Variants in TNKS observed in about 807,000 individuals in gnomAD.
TNKS encodes tankyrase, also known as poly [ADP-ribose] polymerase tankyrase-1.
TNKS carries 72 observed loss-of-function variants against 135.8 expected under a neutral mutation model. That is an observed-to-expected ratio of 0.53 (90% CI 0.44 to 0.64). The LOEUF is 0.64. TNKS is among the 30% of genes least tolerant of loss of function. The pLI, the probability that TNKS is intolerant of heterozygous loss-of-function variation, is 0.00. For missense variants in TNKS, 1,769 were observed against 1,674.0 expected, an observed-to-expected ratio of 1.06 and a Z score of -0.99; for synonymous variants, 849 against 649.3, an observed-to-expected ratio of 1.31 and a Z score of -4.68.
At chr8:9,627,736 G>A (rs1800119059) in intron 3 of TNKS, among the ~76,000 whole-genome samples, 1 of 152,064 alleles carries the variant, frequency 6.6e-6, no homozygotes, top group African/African-American at 2.4e-5. Flanking sequence ...AGAAATGAAT[G>A]TAGCCGGAAA....
intron 2 of TNKS, among the ~76,000 whole-genome samples, chr8:9,605,640 C>G (rs1044982047): frequency 2.6e-5 from 4 of 152,056 alleles, no homozygotes; most frequent in African/African-American, 7.2e-5. Flanking sequence ...AGTTTAGAAT[C>G]TCCTCATTAA....
At chr8:9,732,624 G>C (rs909185037) in intron 14 of TNKS, among the ~76,000 whole-genome samples, 52 of 148,568 alleles carry the variant, frequency 3.5e-4, no homozygotes, top group African/African-American at 1.3e-3. Context: ...CTTCTGCCAT[G>C]TGTTAACTTC....
chr8:9,709,180 G>A (rs4841200), intron 9 of TNKS, among the ~76,000 whole-genome samples: 1 of 151,976 alleles, frequency 6.6e-6, no homozygotes, highest in Non-Finnish European at 1.5e-5. Context: ...AAGATCAAAC[G>A]TTTGTCAGTA....
At chr8:9,709,919 G>T (rs1352172729) in intron 9 of TNKS, 36 bp from the exon 10 acceptor site, 1 of 1,512,010 alleles carries the variant, frequency 6.6e-7, no homozygotes, top group Non-Finnish European at 9.2e-7. Context: ...ACATATGGAA[G>T]TGTATTTTAT....
intron 17 of TNKS, among the ~76,000 whole-genome samples, chr8:9,745,949 T>C (rs568714337): frequency 6.6e-6 from 1 of 152,304 alleles, no homozygotes; most frequent in Admixed American, 6.5e-5. Flanking sequence ...GAAGACGATA[T>C]CTTAAGGAAG....
chr8:9,587,821 C>T (rs549339707), intron 2 of TNKS, among the ~76,000 whole-genome samples: 1 of 152,254 alleles, frequency 6.6e-6, no homozygotes, highest in Non-Finnish European at 1.5e-5. Flanking sequence ...TTTGTTACGG[C>T]AGCAATAGCA....
intron 17 of TNKS, among the ~76,000 whole-genome samples, chr8:9,743,068 C>T (rs918305883): frequency 2.0e-5 from 3 of 152,052 alleles, no homozygotes; most frequent in African/African-American, 7.2e-5. Flanking sequence ...GATAGAAAAA[C>T]ACTGATTATG....
intron 2 of TNKS, among the ~76,000 whole-genome samples, chr8:9,608,034 A>G (rs1011256410): frequency 6.6e-6 from 1 of 152,114 alleles, no homozygotes; most frequent in Non-Finnish European, 1.5e-5. Context: ...TCACCTCCTG[A>G]GGCTCAAGCG....
intron 5 of TNKS, among the ~76,000 whole-genome samples, chr8:9,693,249 A>G (rs1240820551): frequency 6.6e-6 from 1 of 152,232 alleles, no homozygotes; most frequent in Non-Finnish European, 1.5e-5. Flanking sequence ...CTTACAAAGA[A>G]TAAGACAGAC....
chr8:9,581,417 A>G (rs1461385896), intron 2 of TNKS, among the ~76,000 whole-genome samples: 3 of 152,152 alleles, frequency 2.0e-5, no homozygotes, highest in Non-Finnish European at 4.4e-5. Flanking sequence ...TCCAGTTTCA[A>G]CTGACTCTCC....
intron 1 of TNKS, among the ~76,000 whole-genome samples, chr8:9,570,589 C>A (rs1173130211): frequency 2.0e-5 from 3 of 152,216 alleles, no homozygotes; most frequent in Non-Finnish European, 4.4e-5. Context: ...CAACCTCTAC[C>A]TGGCAACCTT....
intron 3 of TNKS, among the ~76,000 whole-genome samples, chr8:9,674,184 G>C (rs976748544): frequency 1.3e-5 from 2 of 152,140 alleles, no homozygotes; most frequent in Non-Finnish European, 2.9e-5. Flanking sequence ...ATCAAATACA[G>C]GATGGAAGTT....
At chr8:9,689,285 C>G (rs1275548536) in intron 5 of TNKS, among the ~76,000 whole-genome samples, 1 of 152,070 alleles carries the variant, frequency 6.6e-6, no homozygotes, top group East Asian at 1.9e-4. Context: ...TATCAAAAAT[C>G]TTCATATTAT....
rs1387528771 is a variant in TNKS at position 9,759,831 on chromosome 8, C to T, written c.3154-1685C>T. Among the ~76,000 whole-genome samples the T allele has an allele frequency of 3.9e-5, 6 of 151,962 alleles. No individual in the cohort carries two copies. In the East Asian group the frequency reaches 9.7e-4, roughly 25 times the overall value. ...CTACTAAAAATACAAAAAAATTAGC[C>T]GGGCGTGGTGGCGGGCGCCTGTAGT... On this transcript the variant is annotated intron_variant, in intron 20 of 26. Coordinates refer to ENST00000310430, the MANE Select transcript of TNKS (RefSeq NM_003747.3).
chr8:9,706,154 T>G, intron 6 of TNKS, 33 bp from the exon 7 acceptor site: 1 of 1,513,942 alleles, frequency 6.6e-7, no homozygotes, highest in Non-Finnish European at 8.9e-7. Flanking sequence ...TTGTTTGAAA[T>G]TTAAGTATTT....
chr8:9,622,103 G>A (rs940277816), intron 3 of TNKS, among the ~76,000 whole-genome samples: 1 of 152,146 alleles, frequency 6.6e-6, no homozygotes, highest in South Asian at 2.1e-4. Context: ...GTGGTTGAAA[G>A]ACTTTTTTGA....
intron 4 of TNKS, among the ~76,000 whole-genome samples, 153 bp from the exon 5 acceptor site, chr8:9,680,572 A>G (rs1802740085): frequency 6.6e-6 from 1 of 152,166 alleles, no homozygotes; most frequent in African/African-American, 2.4e-5. Flanking sequence ...GAAATATATT[A>G]ATTGAATTGA....
At chr8:9,719,609 A>T (rs1274649968) in intron 11 of TNKS, among the ~76,000 whole-genome samples, 1 of 152,208 alleles carries the variant, frequency 6.6e-6, no homozygotes, top group Admixed American at 6.5e-5. Context: ...CAGGAGCCAT[A>T]AAGGCAGAAA....
intron 1 of TNKS, among the ~76,000 whole-genome samples, chr8:9,565,076 C>T (rs1399968522): frequency 6.6e-6 from 1 of 151,418 alleles, no homozygotes; most frequent in Admixed American, 6.6e-5. Context: ...TTTTTGTGTG[C>T]CCGTTGTTTT....
Sources: allele counts gnomAD v4.1 joint callset (sites outside exome capture counted in the v4.1 genomes callset), GRCh38; gene constraint gnomAD v4.1.1; transcripts MANE v1.5; gene names NCBI Gene and HGNC (gene_info 2026-07-23, HGNC 2026-07-21).